KCNIP1: variants seen among roughly 807,000 people sequenced by gnomAD.
KCNIP1 encodes the protein potassium voltage-gated channel interacting protein 1.
KCNIP1 carries 18 observed loss-of-function variants against 33.0 expected under a neutral mutation model. The observed-to-expected ratio is 0.55, with a 90% CI of 0.38 to 0.81. KCNIP1 has a LOEUF of 0.81. KCNIP1 is among the 30% of genes least tolerant of loss of function. The pLI is 0.00. For missense variants in KCNIP1, 238 were observed against 271.6 expected (o/e 0.88, Z 0.87); for synonymous variants, 93 against 98.3 (o/e 0.95, Z 0.32).
chr5:170,451,913 T>C (rs1437110827), intron 1 of KCNIP1, among the ~76,000 whole-genome samples: 1 of 152,170 alleles, frequency 6.6e-6, no homozygotes, highest in Non-Finnish European at 1.5e-5. Context: ...GGTAAGAGCA[T>C]GCAGCATGGA....
intron 1 of KCNIP1, among the ~76,000 whole-genome samples, chr5:170,632,491 G>A (rs1760088777): frequency 1.3e-5 from 2 of 152,240 alleles, no homozygotes; most frequent in African/African-American, 4.8e-5. Flanking sequence ...AGGCCAGGGC[G>A]AACCAACAGA....
chr5:170,502,479 T>C (rs1757433016), upstream of KCNIP1, among the ~76,000 whole-genome samples: 1 of 152,136 alleles, frequency 6.6e-6, no homozygotes, highest in African/African-American at 2.4e-5. Context: ...ATTGAGCCTG[T>C]GTGAATGTGG....
chr5:170,376,046 A>T (rs1763988136), intron 1 of KCNIP1: 1 of 152,060 alleles, frequency 6.6e-6, no homozygotes, highest in African/African-American at 2.4e-5. Context: ...TTCCAAGGCA[A>T]ACTAATTAGT....
At chr5:170,433,285 C>T (rs527846427) in intron 1 of KCNIP1, among the ~76,000 whole-genome samples, 2 of 152,244 alleles carry the variant, frequency 1.3e-5, no homozygotes, top group Non-Finnish European at 2.9e-5. Flanking sequence ...CTCCTGGGTT[C>T]GGGCGATTCT....
intron 1 of KCNIP1, among the ~76,000 whole-genome samples, chr5:170,466,476 G>T (rs187920538): frequency 1.3e-4 from 20 of 152,310 alleles, no homozygotes; most frequent in Admixed American, 1.0e-3. Context: ...CAGGGAAAAA[G>T]CAGAGGGTGA....
intron 1 of KCNIP1, among the ~76,000 whole-genome samples, chr5:170,677,320 T>C (rs1762179932): frequency 6.6e-6 from 1 of 152,162 alleles, no homozygotes. Context: ...GACCCAGAGA[T>C]TGTGCTCTGG....
At chr5:170,378,334 G>C (rs1468077097) in intron 1 of KCNIP1, 1 of 192,660 alleles carries the variant, frequency 5.2e-6, no homozygotes, top group Non-Finnish European at 1.1e-5. Flanking sequence ...TCTGGGGGAG[G>C]ATGGGTACCG....
At chr5:170,677,181 C>A (rs1260188355) in intron 1 of KCNIP1, among the ~76,000 whole-genome samples, 2 of 152,170 alleles carry the variant, frequency 1.3e-5, no homozygotes, top group Non-Finnish European at 2.9e-5. Context: ...AATCTCACAA[C>A]TCTATGAAGT....
intron 1 of KCNIP1, among the ~76,000 whole-genome samples, chr5:170,635,717 G>C (rs963065260): frequency 6.6e-6 from 1 of 152,228 alleles, no homozygotes; most frequent in African/African-American, 2.4e-5. Context: ...AAGTATCTTT[G>C]CAAGGCTCTG....
At chr5:170,492,963 T>C (rs1478373523) in intron 1 of KCNIP1, among the ~76,000 whole-genome samples, 2 of 152,146 alleles carry the variant, frequency 1.3e-5, no homozygotes, top group Admixed American at 1.3e-4. Flanking sequence ...CTGGCCAGGA[T>C]GGTATTGATT....
chr5:170,550,827 G>T (rs1333486633), intron 1 of KCNIP1, among the ~76,000 whole-genome samples: 2 of 152,198 alleles, frequency 1.3e-5, no homozygotes, highest in Admixed American at 1.3e-4. Flanking sequence ...TGGCAATGAT[G>T]ATAGAGTTTA....
intron 1 of KCNIP1, among the ~76,000 whole-genome samples, chr5:170,704,186 G>A (rs13167981): frequency 0.048 from 5,421 of 113,444 alleles, 626 homozygotes; most frequent in African/African-American, 0.085. Flanking sequence ...GGCTATTGCA[G>A]AGGACTCATG....
At chr5:170,402,610 TACACAG>T (rs973549528) in intron 1 of KCNIP1, among the ~76,000 whole-genome samples, 2 of 152,164 alleles carry the variant, frequency 1.3e-5, no homozygotes, top group African/African-American at 4.8e-5. Flanking sequence ...GAACATCTGA[TACACAG>T]ACACATTGGC....
At chr5:170,654,639 C>T (rs78587864) in intron 1 of KCNIP1, among the ~76,000 whole-genome samples, 304 of 152,272 alleles carry the variant, frequency 2.0e-3, no homozygotes, top group Non-Finnish European at 3.8e-3. Context: ...CAGATATTAC[C>T]TGTGATTTAC....
intron 1 of KCNIP1, among the ~76,000 whole-genome samples, chr5:170,369,673 A>G (rs905192019): frequency 2.0e-5 from 3 of 152,250 alleles, no homozygotes; most frequent in African/African-American, 7.2e-5. Flanking sequence ...ATCAGGACCA[A>G]GTTTGCACTT....
intron 1 of KCNIP1, among the ~76,000 whole-genome samples, chr5:170,695,070 T>A (rs138859060): frequency 6.6e-5 from 10 of 152,260 alleles, no homozygotes; most frequent in African/African-American, 2.4e-4. Flanking sequence ...TCTCTCCAGC[T>A]TCCCCACTTC....
chr5:170,412,103 G>A (rs1230173080), intron 1 of KCNIP1, among the ~76,000 whole-genome samples: 2 of 152,204 alleles, frequency 1.3e-5, no homozygotes, highest in Admixed American at 6.5e-5. Flanking sequence ...AAGGACAAAC[G>A]GTTGAGAGAT....
At chr5:170,480,804 C>T (rs1247607670) in intron 1 of KCNIP1, among the ~76,000 whole-genome samples, 1 of 152,122 alleles carries the variant, frequency 6.6e-6, no homozygotes, top group African/African-American at 2.4e-5. Flanking sequence ...GCCAATTATC[C>T]TTCCATGTTA....
Position 170,504,560 on chromosome 5 carries a change from A to G in KCNIP1, c.-13A>G, listed in dbSNP as rs1455964427. ...GGCCCGGGGTCCCAACTCGCACTCA[A>G]GTCTTCGCTGCCATGGGGGCCGTCA... On this transcript the variant is annotated 5_prime_UTR_variant, in exon 1 of 8. Transcript: ENST00000328939. This position sits in a 1 kb window ranked among gnomAD's most constrained non-coding sequence, Gnocchi z 6.0. 6.2e-7 allele frequency: 1 copy of G among 1,613,146 alleles called. No individual in the cohort carries two copies. The highest frequency in any genetic ancestry group is 1.1e-5 in the South Asian group (1 of 91,064).
Sources: gnomAD v4.1 joint callset for allele counts (sites outside exome capture counted in the v4.1 genomes callset) on GRCh38, gnomAD v4.1.1 for gene constraint, Gnocchi (gnomAD v3.1) non-coding constraint, MANE v1.5 for transcripts, NCBI Gene and HGNC (gene_info 2026-07-23, HGNC 2026-07-21) for gene names.